FRK: variants seen among roughly 807,000 people sequenced by gnomAD.
The protein encoded by FRK is tyrosine-protein kinase FRK.
In FRK, 51 loss-of-function variants were observed where a neutral mutation model predicts 56.4. That is an observed-to-expected ratio of 0.90 (90% CI 0.72 to 1.14). The LOEUF is 1.14. Ranked by LOEUF, FRK falls within the 50% of genes most tolerant of loss-of-function variation. The probability of loss-of-function intolerance (pLI) is 0.00; values close to 1 mark genes in which losing one functional copy is unlikely to be tolerated. For missense variants in FRK, 570 were observed against 601.4 expected (o/e 0.95, Z 0.55); for synonymous variants, 245 against 217.9 (o/e 1.12, Z -1.10).
chr6:116,033,011 T>G (rs1391887052), intron 1 of FRK, among the ~76,000 whole-genome samples: 1 of 152,150 alleles, frequency 6.6e-6, no homozygotes, highest in Non-Finnish European at 1.5e-5. Context: ...TGTTTATTAA[T>G]AACGTAGCCT....
At position 115,944,308 on chromosome 6, in the gene FRK, T is replaced by C. The variant is rs1345271638; in HGVS notation, c.1076A>G (p.Asn359Ser). ...NYIHRDLAARNVLVGEHNIYK... is the reference protein window; with the variant it reads ...NYIHRDLAARSVLVGEHNIYK... ...GATATTATGTTCACCAACGAGGACATTTCTGGCAGCCAGATCTCTGTGAAT... is the reference window on the plus strand; with the variant it reads ...GATATTATGTTCACCAACGAGGACACTTCTGGCAGCCAGATCTCTGTGAAT... Residue 359 changes from asparagine (N) to serine (S), a missense_variant, in exon 6 of 8, where the codon AAT becomes AGT. Coordinates refer to ENST00000606080, the MANE Select transcript of FRK (RefSeq NM_002031.3). 1 of 1,613,214 alleles carries C rather than the reference T, an allele frequency of 6.2e-7. No individual in the cohort carries two copies. Among genetic ancestry groups the C allele is most frequent in the South Asian group, 1.1e-5 (1 of 91,040 alleles).
At chr6:116,056,540 CTT>C (rs1273981075) in intron 1 of FRK, among the ~76,000 whole-genome samples, 1 of 152,038 alleles carries the variant, frequency 6.6e-6, no homozygotes, top group Non-Finnish European at 1.5e-5. Context: ...GATCATATTG[CTT>C]TTTATCAATA....
chr6:115,953,284 G>A (rs1439764426), intron 5 of FRK, among the ~76,000 whole-genome samples: 5 of 134,544 alleles, frequency 3.7e-5, no homozygotes, highest in Admixed American at 1.6e-4. Flanking sequence ...CCGCCTCCTG[G>A]GTTCACGCCA....
chr6:116,071,840 A>C, the FRK span, among the ~76,000 whole-genome samples: 3 of 152,160 alleles, frequency 2.0e-5, no homozygotes, highest in Non-Finnish European at 4.4e-5. Context: ...CATTGCAAAC[A>C]AAAATGTGAC....
rs2282323 is a variant in FRK, at chr6:115,942,752, T to G, written c.1307-127A>C. The G allele has an allele frequency of 2.3e-5, 19 of 831,718 alleles. No individual in the cohort carries two copies. In the African/African-American group the frequency reaches 2.4e-4, roughly 11 times the overall value. 51.5% of individuals were successfully genotyped at this position (831,718 alleles called of 1,614,324 possible). ...ATTTCTTTGGCAAAGATTTAAGGTC[T>G]GCCATCCCCTTCTCAGGTTACACAG... On this transcript the variant is annotated intron_variant, in intron 7 of 7. Transcript: ENST00000606080.
At chr6:115,992,859 GA>G (rs1774669937) in intron 2 of FRK, among the ~76,000 whole-genome samples, 3 of 151,822 alleles carry the variant, frequency 2.0e-5, no homozygotes, top group South Asian at 4.1e-4. Flanking sequence ...GAGAGCTATT[GA>G]AGGCTTTTGA....
At chr6:116,003,765 G>T in intron 2 of FRK, 112 bp downstream of exon 2, 1 of 1,211,600 alleles carries the variant, frequency 8.3e-7, no homozygotes, top group Non-Finnish European at 1.2e-6. Flanking sequence ...TGGTGCTACT[G>T]TAAAGATAAG....
At position 115,933,510 on chromosome 6, in the gene FRK, A is replaced by G. The variant is rs1771992207; in HGVS notation, c.*8904T>C. The stretch of plus-strand genomic sequence containing the variant: ...TTGCTTTGACAGAACCTTGAACATA[A>G]ATGTCCCCAAGAATCAAACACAGTA... On this transcript the variant is annotated 3_prime_UTR_variant, in exon 8 of 8. Coordinates refer to ENST00000606080, the MANE Select transcript of FRK (RefSeq NM_002031.3). 1.3e-5 allele frequency: 2 copies of G among 152,230 alleles called. No individual in the cohort carries two copies. The highest frequency in any genetic ancestry group is 1.3e-4 in the Admixed American group (2 of 15,282). 9.4% of individuals were successfully genotyped at this position (152,230 alleles called of 1,614,324 possible). A position where few individuals can be genotyped will look rare whatever the true frequency, so the allele number is the denominator to read the frequency against.
chr6:115,967,941 T>C (rs1052958633), intron 3 of FRK, among the ~76,000 whole-genome samples: 2 of 152,130 alleles, frequency 1.3e-5, no homozygotes, highest in African/African-American at 4.8e-5. Context: ...AGGCACCTCG[T>C]TGTCTACCTG....
chr6:116,061,951 G>T (rs1271881203), upstream of FRK, among the ~76,000 whole-genome samples: 2 of 136,542 alleles, frequency 1.5e-5, no homozygotes, highest in Non-Finnish European at 3.2e-5. Context: ...AAGAAAGGAA[G>T]AAAGAAAGAA....
chr6:115,958,401 C>A (rs1033076819), intron 4 of FRK, among the ~76,000 whole-genome samples: 1 of 151,828 alleles, frequency 6.6e-6, no homozygotes, highest in South Asian at 2.1e-4. Context: ...CCAAGGCAGG[C>A]GGATAACTTG....
chr6:116,069,878 T>A, the FRK span, among the ~76,000 whole-genome samples: 1 of 152,112 alleles, frequency 6.6e-6, no homozygotes, highest in Non-Finnish European at 1.5e-5. Context: ...GAGTGAAGTC[T>A]GACAGTCTGC....
chr6:116,090,337 A>C, the FRK span, among the ~76,000 whole-genome samples: 3 of 152,180 alleles, frequency 2.0e-5, no homozygotes, highest in African/African-American at 7.2e-5. Flanking sequence ...CGGGACAGTG[A>C]TTAGAATAGG....
chr6:115,994,331 C>T lies in FRK; in HGVS notation c.466+9546G>A, dbSNP rs112050219. On this transcript the variant is annotated intron_variant, in intron 2 of 7. Transcript: ENST00000606080. ...ATCCAGAATCTCACAACCTCCCCCC[C>T]CCCCGCCTTTTTTTTGTCATTATAC... 1.6e-4 allele frequency among the ~76,000 whole-genome samples: 17 copies of T among 106,678 alleles called. 2 individuals carry two copies. Among genetic ancestry groups the T allele is most frequent in the South Asian group, 3.3e-4 (1 of 3,028 alleles). The allele number at this position is 106,678 out of a possible 152,430, so 70.0% of individuals were successfully genotyped here. A position where few individuals can be genotyped will look rare whatever the true frequency, so the allele number is the denominator to read the frequency against.
chr6:115,969,263 T>C (rs953288172), intron 2 of FRK, among the ~76,000 whole-genome samples: 1 of 152,190 alleles, frequency 6.6e-6, no homozygotes, highest in Admixed American at 6.5e-5. Flanking sequence ...GTTCATTATA[T>C]TGTACCTCAA....
At position 116,012,532 on chromosome 6, in the gene FRK, C is replaced by A. The variant is rs558897367; in HGVS notation, c.345-8534G>T. ...GATTATTCTTTGTTTACACTTGAAG[C>A]TACAGACCTCCCCAGCATAAGGACA... On this transcript the variant is annotated intron_variant, in intron 1 of 7. Coordinates refer to ENST00000606080, the MANE Select transcript of FRK (RefSeq NM_002031.3). Among the ~76,000 whole-genome samples, 4 of 152,326 alleles carry A rather than the reference C, an allele frequency of 2.6e-5. No homozygotes were observed. The South Asian group carries it at 6.2e-4, about 24-fold the overall frequency.
the FRK span, among the ~76,000 whole-genome samples, chr6:116,065,971 C>G: frequency 6.6e-6 from 1 of 152,094 alleles, no homozygotes; most frequent in Admixed American, 6.5e-5. Context: ...CTCTGTATCA[C>G]AAGGAAAATC....
At chr6:116,020,883 T>C (rs892521438) in intron 1 of FRK, among the ~76,000 whole-genome samples, 14 of 152,152 alleles carry the variant, frequency 9.2e-5, no homozygotes, top group African/African-American at 3.1e-4. Context: ...GCAACAATTA[T>C]AATTTTTCTA....
intron 2 of FRK, among the ~76,000 whole-genome samples, chr6:115,974,726 A>C (rs1773928990): frequency 6.6e-6 from 1 of 152,138 alleles, no homozygotes; most frequent in Non-Finnish European, 1.5e-5. Context: ...TAGTCCTTTC[A>C]TAAAACTTTA....
Sources: allele counts gnomAD v4.1 joint callset (sites outside exome capture counted in the v4.1 genomes callset), GRCh38; gene constraint gnomAD v4.1.1; transcripts MANE v1.5; gene names NCBI Gene and HGNC (gene_info 2026-07-23, HGNC 2026-07-21).